NRXN1: variants seen among roughly 807,000 people sequenced by gnomAD.
NRXN1 encodes neurexin 1.
A neutral mutation model predicts 150.9 loss-of-function variants in NRXN1; 39 were observed. The ratio of observed to expected loss-of-function variants is 0.26; its 90% CI spans 0.20 to 0.34. NRXN1 has a LOEUF of 0.34. Ranked by LOEUF, NRXN1 falls within the 10% of genes least tolerant of loss-of-function variation. The pLI, the probability that NRXN1 is intolerant of heterozygous loss-of-function variation, is 1.00. For synonymous variants in NRXN1, 924 were observed against 757.0 expected (o/e 1.22, Z -3.62); for missense variants, 1,815 against 1,949.9 (o/e 0.93, Z 1.30).
chr2:50,596,169 C>T (rs747749774), intron 8 of NRXN1, among the ~76,000 whole-genome samples: 2 of 152,182 alleles, frequency 1.3e-5, no homozygotes, highest in Non-Finnish European at 2.9e-5. Context: ...AGAAAAACAA[C>T]CAAATAAAAA....
intron 5 of NRXN1, among the ~76,000 whole-genome samples, chr2:50,642,464 AAT>A (rs1409375273): frequency 5.3e-5 from 8 of 152,076 alleles, no homozygotes; most frequent in Non-Finnish European, 1.0e-4. Flanking sequence ...TGAGAAATAA[AAT>A]TAATGAAATT....
intron 16 of NRXN1, among the ~76,000 whole-genome samples, chr2:50,467,151 A>C (rs1446880291): frequency 6.6e-6 from 1 of 151,740 alleles, no homozygotes; most frequent in African/African-American, 2.4e-5. Context: ...CCTTGAACTT[A>C]CCAGATTGGG....
intron 19 of NRXN1, among the ~76,000 whole-genome samples, chr2:50,073,753 A>AT (rs1178345675): frequency 6.6e-6 from 1 of 152,182 alleles, no homozygotes; most frequent in East Asian, 1.9e-4. Context: ...ATAAAAAAAA[A>AT]GCATAGGCCT....
chr2:50,129,862 A>C (rs1383543948), intron 18 of NRXN1, among the ~76,000 whole-genome samples: 1 of 152,196 alleles, frequency 6.6e-6, no homozygotes, highest in Admixed American at 6.5e-5. Context: ...TTGAATTTTT[A>C]CTTGAATTGA....
intron 5 of NRXN1, among the ~76,000 whole-genome samples, chr2:50,893,563 A>G (rs1230377874): frequency 6.6e-6 from 1 of 152,154 alleles, no homozygotes; most frequent in Non-Finnish European, 1.5e-5. Flanking sequence ...AGATGTCCCC[A>G]TGTCATATAA....
chr2:50,966,097 T>A (rs1289604952), intron 2 of NRXN1, among the ~76,000 whole-genome samples: 1 of 151,732 alleles, frequency 6.6e-6, no homozygotes, highest in Non-Finnish European at 1.5e-5. Flanking sequence ...CACCTATTTT[T>A]AAAATGTTAT....
chr2:50,103,019 A>T (rs1701174196), intron 18 of NRXN1, among the ~76,000 whole-genome samples: 1 of 152,108 alleles, frequency 6.6e-6, no homozygotes, highest in African/African-American at 2.4e-5. Context: ...TTCCAATCAG[A>T]GAACAGAAAA....
chr2:50,732,369 A>C (rs577269969), intron 5 of NRXN1, among the ~76,000 whole-genome samples: 1 of 152,236 alleles, frequency 6.6e-6, no homozygotes, highest in East Asian at 1.9e-4. Context: ...ATTAGGATAA[A>C]AATACTTCAG....
intron 2 of NRXN1, among the ~76,000 whole-genome samples, chr2:50,976,891 A>T (rs533783871): frequency 2.6e-5 from 4 of 152,194 alleles, no homozygotes; most frequent in African/African-American, 9.6e-5. Context: ...AAAAGAATTC[A>T]TGATTCCGTT....
intron 2 of NRXN1, among the ~76,000 whole-genome samples, chr2:50,958,877 A>C (rs1226493018): frequency 6.6e-6 from 1 of 152,098 alleles, no homozygotes; most frequent in Non-Finnish European, 1.5e-5. Context: ...CTGTCCTTCT[A>C]TTTCTAGTTT....
chr2:50,622,483 G>A (rs1335442877), intron 6 of NRXN1, among the ~76,000 whole-genome samples: 1 of 152,024 alleles, frequency 6.6e-6, no homozygotes, highest in Non-Finnish European at 1.5e-5. Flanking sequence ...TTAACAAAAT[G>A]ATACACTGTA....
chr2:50,699,610 C>T (rs1693443338), intron 5 of NRXN1, among the ~76,000 whole-genome samples: 1 of 151,980 alleles, frequency 6.6e-6, no homozygotes, highest in Non-Finnish European at 1.5e-5. Flanking sequence ...CTGCTGACAG[C>T]CAACAAGGAA....
chr2:50,159,138 A>G (rs1350048713), intron 18 of NRXN1, among the ~76,000 whole-genome samples: 1 of 152,100 alleles, frequency 6.6e-6, no homozygotes, highest in Non-Finnish European at 1.5e-5. Context: ...TTTTGCTGAA[A>G]TAGCAAGAGG....
intron 21 of NRXN1, among the ~76,000 whole-genome samples, chr2:50,014,116 T>G (rs1367619363): frequency 6.6e-6 from 1 of 151,968 alleles, no homozygotes; most frequent in Non-Finnish European, 1.5e-5. Context: ...GTTTTTGTTT[T>G]TGTTTTTAGA....
intron 17 of NRXN1, among the ~76,000 whole-genome samples, chr2:50,435,755 G>A (rs59099327): frequency 0.012 from 1,803 of 152,194 alleles, 35 homozygotes; most frequent in African/African-American, 0.042. Context: ...TAAACATTGA[G>A]AACACATGGA....
chr2:50,345,361 T>C (rs1481314775), intron 17 of NRXN1, among the ~76,000 whole-genome samples: 2 of 152,066 alleles, frequency 1.3e-5, no homozygotes, highest in Non-Finnish European at 2.9e-5. Context: ...CCACCCTGCA[T>C]CCATGGAATA....
intron 21 of NRXN1, among the ~76,000 whole-genome samples, chr2:50,010,977 A>G (rs10495993): frequency 0.47 from 71,780 of 152,056 alleles, 17,554 homozygotes; most frequent in Middle Eastern, 0.62. Flanking sequence ...GATGGTCTCA[A>G]TCAATAACTT....
chr2:50,687,499 T>C (rs1691414107), intron 5 of NRXN1, among the ~76,000 whole-genome samples: 1 of 152,198 alleles, frequency 6.6e-6, no homozygotes, highest in African/African-American at 2.4e-5. Flanking sequence ...AGCTGTCACT[T>C]TGGCTGTCAC....
At chr2:50,226,943 T>C (rs985210374) in intron 18 of NRXN1, among the ~76,000 whole-genome samples, 3 of 152,006 alleles carry the variant, frequency 2.0e-5, no homozygotes, top group Admixed American at 6.6e-5. Flanking sequence ...CAAATACTGA[T>C]TGCTCACTTG....
Sources: allele counts gnomAD v4.1 joint callset (sites outside exome capture counted in the v4.1 genomes callset), GRCh38; gene constraint gnomAD v4.1.1; transcripts MANE v1.5; gene names NCBI Gene and HGNC (gene_info 2026-07-23, HGNC 2026-07-21).